Variants in TTLL11 observed in about 807,000 individuals in gnomAD.
TTLL11 encodes tubulin polyglutamylase TTLL11.
TTLL11 carries 42 observed loss-of-function variants against 51.7 expected under a neutral mutation model. The observed-to-expected ratio is 0.81, with a 90% CI of 0.64 to 1.05. The LOEUF (loss-of-function observed/expected upper bound fraction) is 1.05, where lower values mean the gene tolerates loss of function less well. Among genes scored for constraint, TTLL11 ranks in the 50% least tolerant of loss-of-function variants. The probability of loss-of-function intolerance (pLI) is 0.00; values close to 1 mark genes in which losing one functional copy is unlikely to be tolerated. For synonymous variants in TTLL11, 381 were observed against 383.5 expected (o/e 0.99, Z 0.08); for missense variants, 799 against 940.4 (o/e 0.85, Z 1.97).
chr9:121,921,705 A>G (rs1016808512), intron 6 of TTLL11, among the ~76,000 whole-genome samples: 1 of 152,136 alleles, frequency 6.6e-6, no homozygotes, highest in Non-Finnish European at 1.5e-5. Context: ...CCAATTGGGG[A>G]TAGTTAGACA....
At chr9:121,937,567 T>C (rs1841283906) in intron 6 of TTLL11, among the ~76,000 whole-genome samples, 1 of 146,844 alleles carries the variant, frequency 6.8e-6, no homozygotes, top group African/African-American at 2.5e-5. Flanking sequence ...ATTCCCCTAT[T>C]CCCCCCCACC....
chr9:122,030,104 C>T (rs546782718), intron 3 of TTLL11, among the ~76,000 whole-genome samples: 1 of 148,700 alleles, frequency 6.7e-6, no homozygotes, highest in Admixed American at 6.9e-5. Flanking sequence ...AATGTGTGCC[C>T]GTCAAGTGAC....
At chr9:121,922,328 T>C (rs1053245927) in intron 6 of TTLL11, among the ~76,000 whole-genome samples, 3 of 152,226 alleles carry the variant, frequency 2.0e-5, no homozygotes, top group African/African-American at 7.2e-5. Context: ...ATACTTATCA[T>C]CTGTGGCCCT....
At chr9:121,965,612 G>A (rs80065960) in intron 6 of TTLL11, among the ~76,000 whole-genome samples, 3,732 of 152,254 alleles carry the variant, frequency 0.025, 142 homozygotes, top group African/African-American at 0.082. Flanking sequence ...ATTTCAACTG[G>A]AGGTCAGCAG....
At chr9:121,826,184 C>CATATA (rs1491277758) in intron 8 of TTLL11, among the ~76,000 whole-genome samples, 1 of 51,134 alleles carries the variant, frequency 2.0e-5, no homozygotes, top group African/African-American at 8.7e-5. Context: ...AACCAGTAAC[C>CATATA]TATATATATA....
chr9:121,981,959 C>A (rs1283884305), intron 4 of TTLL11, among the ~76,000 whole-genome samples: 7 of 152,174 alleles, frequency 4.6e-5, no homozygotes, highest in Non-Finnish European at 7.3e-5. Flanking sequence ...TGTGGATTAA[C>A]CCTCCATATA....
intron 6 of TTLL11, among the ~76,000 whole-genome samples, chr9:121,906,230 G>C (rs1357953229): frequency 6.6e-6 from 1 of 152,072 alleles, no homozygotes; most frequent in Non-Finnish European, 1.5e-5. Context: ...ATCTGAATCT[G>C]AGTCAGCAGC....
At chr9:121,990,048 C>T (rs1296115064) in intron 3 of TTLL11, among the ~76,000 whole-genome samples, 1 of 152,230 alleles carries the variant, frequency 6.6e-6, no homozygotes, top group Admixed American at 6.5e-5. Context: ...CAGTTATTAG[C>T]TACCACTTTG....
intron 6 of TTLL11, among the ~76,000 whole-genome samples, chr9:121,900,616 T>C (rs1374785698): frequency 6.6e-6 from 1 of 152,180 alleles, no homozygotes; most frequent in African/African-American, 2.4e-5. Context: ...GGAACTCCCA[T>C]TGGATGTATG....
intron 6 of TTLL11, among the ~76,000 whole-genome samples, chr9:121,937,404 TA>T (rs1335673845): frequency 6.6e-6 from 1 of 152,178 alleles, no homozygotes; most frequent in African/African-American, 2.4e-5. Context: ...GTGACATAGT[TA>T]ATAATTGATG....
intron 4 of TTLL11, among the ~76,000 whole-genome samples, chr9:121,986,771 G>C (rs1842953083): frequency 1.3e-5 from 2 of 151,962 alleles, no homozygotes; most frequent in African/African-American, 4.8e-5. Context: ...CTCCTCTTCT[G>C]CTGTTGAATG....
intron 6 of TTLL11, among the ~76,000 whole-genome samples, chr9:121,905,788 C>A (rs1204088398): frequency 6.6e-6 from 1 of 152,138 alleles, no homozygotes; most frequent in Non-Finnish European, 1.5e-5. Flanking sequence ...TTGGATGAAC[C>A]TATTTGTGCA....
At position 121,829,957 on chromosome 9, in the gene TTLL11, A is replaced by G. The variant is rs141068088; in HGVS notation, c.1841-7078T>C. The stretch of plus-strand genomic sequence containing the variant: ...TGTTTCTTATCATATACTAGGATAA[A>G]TCCATGGGTACATGGCTGTCTCTCT... On this transcript the variant is annotated intron_variant, in intron 8 of 8. Transcript: ENST00000321582. Among the ~76,000 whole-genome samples the G allele has an allele frequency of 1.4e-3, 211 of 152,262 alleles. 1 individual carries two copies. Among genetic ancestry groups the G allele is most frequent in the African/African-American group, 4.9e-3 (202 of 41,552 alleles).
At chr9:121,823,459 T>G (rs945559120) in intron 8 of TTLL11, among the ~76,000 whole-genome samples, 1 of 152,126 alleles carries the variant, frequency 6.6e-6, no homozygotes, top group African/African-American at 2.4e-5. Context: ...GGCAGGAGAA[T>G]TATTTGAACC....
chr9:121,957,677 C>T (rs76027100), intron 6 of TTLL11, among the ~76,000 whole-genome samples: 4,121 of 152,276 alleles, frequency 0.027, 78 homozygotes, highest in Non-Finnish European at 0.045. Flanking sequence ...CTCCCTCCTC[C>T]GGGAGCCCCT....
rs568432139 is a variant in TTLL11, at chr9:121,815,868, G to A, written c.*6719C>T. 4.6e-5 allele frequency: 7 copies of A among 152,310 alleles called. No homozygotes were observed. The East Asian group carries it at 9.6e-4, about 21-fold the overall frequency. The allele number at this position is 152,310 out of a possible 1,614,324, so 9.4% of individuals were successfully genotyped here. On this transcript the variant is annotated 3_prime_UTR_variant, in exon 9 of 9. Coordinates refer to ENST00000321582, the MANE Select transcript of TTLL11 (RefSeq NM_001139442.2). ...TTAAAGGCAGAGCTCAGCACAGAGC[G>A]GAGGGGGCTGGAGCACGTGGGGCCT...
At chr9:121,922,935 A>C (rs772140413) in intron 6 of TTLL11, among the ~76,000 whole-genome samples, 1 of 152,214 alleles carries the variant, frequency 6.6e-6, no homozygotes, top group Non-Finnish European at 1.5e-5. Flanking sequence ...TTAACAACCA[A>C]AGACATGCAC....
At chr9:121,931,360 G>A (rs942502742) in intron 6 of TTLL11, among the ~76,000 whole-genome samples, 3 of 152,218 alleles carry the variant, frequency 2.0e-5, no homozygotes, top group African/African-American at 2.4e-5. Flanking sequence ...TAGCTGCGCA[G>A]TGACTAGACT....
chr9:121,925,479 C>T (rs1334484552), intron 6 of TTLL11, among the ~76,000 whole-genome samples: 4 of 145,294 alleles, frequency 2.8e-5, no homozygotes, highest in African/African-American at 7.6e-5. Flanking sequence ...ACACATCAGG[C>T]CTGTTCATGG....
Sources: allele counts gnomAD v4.1 joint callset (sites outside exome capture counted in the v4.1 genomes callset), GRCh38; gene constraint gnomAD v4.1.1; transcripts MANE v1.5; gene names NCBI Gene and HGNC (gene_info 2026-07-23, HGNC 2026-07-21).